Variants in ARHGAP8 observed in about 807,000 individuals in gnomAD.
ARHGAP8 encodes Rho GTPase activating protein 8.
A neutral mutation model predicts 46.1 loss-of-function variants in ARHGAP8; 62 were observed. The observed-to-expected ratio is 1.34, with a 90% confidence interval of 1.10 to 1.66. The LOEUF (loss-of-function observed/expected upper bound fraction) is 1.66. ARHGAP8 is among the 40% of genes most tolerant of loss of function. The pLI, the probability that ARHGAP8 is intolerant of heterozygous loss-of-function variation, is 0.00. For synonymous variants in ARHGAP8, 375 were observed against 243.1 expected, an observed-to-expected ratio of 1.54 and a Z score of -5.05; for missense variants, 923 against 568.4, an observed-to-expected ratio of 1.62 and a Z score of -6.34.
intron 5 of ARHGAP8, 46 bp downstream of exon 5, chr22:44,814,804 A>G (rs1165311717): frequency 6.2e-7 from 1 of 1,604,116 alleles, no homozygotes; most frequent in Non-Finnish European, 8.5e-7. Flanking sequence ...TGGAGGTTTC[A>G]CCCCTCAGGG....
chr22:44,782,903 C>A (rs6006884), intron 1 of ARHGAP8, among the ~76,000 whole-genome samples: 4 of 152,164 alleles, frequency 2.6e-5, no homozygotes, highest in East Asian at 1.9e-4. Context: ...CGCTGTTTTC[C>A]ACGGCACGCT....
chr22:44,825,394 T>G, intron 6 of ARHGAP8, 89 bp from the exon 7 acceptor site: 1 of 1,420,758 alleles, frequency 7.0e-7, no homozygotes, highest in South Asian at 1.3e-5. Flanking sequence ...CCAGGTGTCC[T>G]GCAGGTGGGG....
intron 2 of ARHGAP8, among the ~76,000 whole-genome samples, chr22:44,787,534 G>A (rs960876445): frequency 6.6e-6 from 1 of 151,986 alleles, no homozygotes; most frequent in South Asian, 2.1e-4. Flanking sequence ...TAGTAGAGAC[G>A]GGGTTTCGCC....
chr22:44,840,092 C>T (rs535170958), intron 7 of ARHGAP8, among the ~76,000 whole-genome samples: 1 of 152,262 alleles, frequency 6.6e-6, no homozygotes, highest in Non-Finnish European at 1.5e-5. Flanking sequence ...AAAAAGGTTC[C>T]CGAGATCACA....
chr22:44,848,273 C>T (rs567707322), intron 9 of ARHGAP8, among the ~76,000 whole-genome samples: 41 of 152,312 alleles, frequency 2.7e-4, no homozygotes, highest in East Asian at 1.2e-3. Context: ...ACATGGTGGC[C>T]GCATGATGCC....
At chr22:44,838,329 G>C (rs1203644945) in intron 7 of ARHGAP8, among the ~76,000 whole-genome samples, 3 of 152,142 alleles carry the variant, frequency 2.0e-5, no homozygotes, top group Non-Finnish European at 4.4e-5. Flanking sequence ...GTAGAGACAG[G>C]GTTTCACCAT....
chr22:44,862,226 C>A (rs191745711), intron 11 of ARHGAP8, 49 bp from the exon 12 acceptor site: 2 of 1,534,170 alleles, frequency 1.3e-6, no homozygotes, highest in South Asian at 1.3e-5. Context: ...TCCAGGTGCC[C>A]GTGCCCCTTG....
chr22:44,754,507 C>CA (rs1460285820), intron 1 of ARHGAP8, among the ~76,000 whole-genome samples: 3 of 152,034 alleles, frequency 2.0e-5, no homozygotes, highest in Admixed American at 1.3e-4. Context: ...AGGCGCCCAC[C>CA]ACCACACCCA....
At chr22:44,823,775 G>A (rs566424596) in intron 6 of ARHGAP8, among the ~76,000 whole-genome samples, 8 of 152,184 alleles carry the variant, frequency 5.3e-5, no homozygotes, top group East Asian at 1.9e-4. Context: ...TGAAATGGAC[G>A]GCATCTGTGA....
At chr22:44,857,903 C>A (rs551620198) in intron 10 of ARHGAP8, among the ~76,000 whole-genome samples, 1 of 141,472 alleles carries the variant, frequency 7.1e-6, no homozygotes, top group South Asian at 2.2e-4. Context: ...GCTCAGCTCA[C>A]CAGTCCTGCC....
At chr22:44,769,538 A>G (rs1356042596) in intron 1 of ARHGAP8, among the ~76,000 whole-genome samples, 1 of 152,206 alleles carries the variant, frequency 6.6e-6, no homozygotes, top group Non-Finnish European at 1.5e-5. Flanking sequence ...CTAGAGATTA[A>G]TTTGAGAAGA....
chr22:44,816,942 A>G lies in ARHGAP8; in HGVS notation c.386+2184A>G, dbSNP rs537058449. 1.2e-4 allele frequency among the ~76,000 whole-genome samples: 17 copies of G among 144,774 alleles called. No homozygotes were observed. The South Asian group carries it at 3.2e-3, about 28-fold the overall frequency. The allele number at this position is 144,774 out of a possible 152,430, so 95.0% of individuals were successfully genotyped here. ...CTTTTGTCCCCCAGGCTGGAGTGCAATGGCGCCATCTCGGCTCACTGCTAC... is the reference window on the plus strand; with the variant it reads ...CTTTTGTCCCCCAGGCTGGAGTGCAGTGGCGCCATCTCGGCTCACTGCTAC... On this transcript the variant is annotated intron_variant, in intron 5 of 11. Coordinates refer to ENST00000356099, the MANE Select transcript of ARHGAP8 (RefSeq NM_181335.3).
intron 8 of ARHGAP8, among the ~76,000 whole-genome samples, chr22:44,847,044 T>C (rs1414115222): frequency 6.6e-6 from 1 of 151,888 alleles, no homozygotes; most frequent in African/African-American, 2.4e-5. Flanking sequence ...TTCGAGGAAG[T>C]TGGGAGGAGA....
intron 2 of ARHGAP8, among the ~76,000 whole-genome samples, chr22:44,787,590 C>T (rs1298371670): frequency 1.3e-5 from 2 of 152,122 alleles, no homozygotes; most frequent in Non-Finnish European, 2.9e-5. Context: ...AGTGATCCAC[C>T]TGTCTCGGTC....
intron 1 of ARHGAP8, among the ~76,000 whole-genome samples, chr22:44,779,193 G>C (rs971863238): frequency 2.7e-5 from 4 of 148,486 alleles, no homozygotes; most frequent in African/African-American, 9.9e-5. Flanking sequence ...TCCGCCTCTT[G>C]GGTTCAAGCG....
intron 7 of ARHGAP8, among the ~76,000 whole-genome samples, chr22:44,841,121 T>C (rs1408882659): frequency 6.6e-6 from 1 of 152,192 alleles, no homozygotes; most frequent in Non-Finnish European, 1.5e-5. Flanking sequence ...CAGGGTGGAA[T>C]CTGCCGTGGC....
At chr22:44,839,021 C>A (rs762332155) in intron 7 of ARHGAP8, among the ~76,000 whole-genome samples, 2 of 152,162 alleles carry the variant, frequency 1.3e-5, no homozygotes, top group Non-Finnish European at 2.9e-5. Flanking sequence ...GATCTAGCTC[C>A]TACGGGAAGG....
At chr22:44,820,652 G>A (rs1268966564) in intron 5 of ARHGAP8, among the ~76,000 whole-genome samples, 1 of 152,164 alleles carries the variant, frequency 6.6e-6, no homozygotes, top group Non-Finnish European at 1.5e-5. Context: ...GGGGTGAGGG[G>A]CACACTGCAC....
intron 1 of ARHGAP8, among the ~76,000 whole-genome samples, chr22:44,757,557 G>T (rs541666242): frequency 6.6e-6 from 1 of 152,104 alleles, no homozygotes; most frequent in Middle Eastern, 3.4e-3. Context: ...GATTGCAGGC[G>T]TGAGCCACCA....
Sources: gnomAD v4.1 joint callset for allele counts (sites outside exome capture counted in the v4.1 genomes callset) on GRCh38, gnomAD v4.1.1 for gene constraint, MANE v1.5 for transcripts, NCBI Gene and HGNC (gene_info 2026-07-23, HGNC 2026-07-21) for gene names.